Variants in NEDD4L observed in about 807,000 individuals in gnomAD.
NEDD4L encodes NEDD4 like E3 ubiquitin protein ligase, also known as E3 ubiquitin-protein ligase NEDD4-like.
Under a neutral mutation model 148.9 loss-of-function variants are expected in NEDD4L, and 54 were observed. The ratio of observed to expected loss-of-function variants is 0.36; its 90% confidence interval spans 0.29 to 0.45. NEDD4L has a LOEUF of 0.45. Among genes scored for constraint, NEDD4L ranks in the 20% least tolerant of loss-of-function variants. The pLI, the probability that NEDD4L is intolerant of heterozygous loss-of-function variation, is 1.00. For synonymous variants in NEDD4L, 433 were observed against 440.7 expected, an observed-to-expected ratio of 0.98 and a Z score of 0.22; for missense variants, 856 against 1,233.8, an observed-to-expected ratio of 0.69 and a Z score of 4.59.
At chr18:58,079,591 C>T (rs1422167933) in intron 1 of NEDD4L, among the ~76,000 whole-genome samples, 1 of 152,218 alleles carries the variant, frequency 6.6e-6, no homozygotes, top group African/African-American at 2.4e-5. Context: ...GGGATGCAGG[C>T]ACCCTGCCCT....
chr18:58,183,698 C>T lies in NEDD4L; in HGVS notation c.122+17837C>T, dbSNP rs138243551. 4.7e-4 allele frequency among the ~76,000 whole-genome samples: 72 copies of T among 152,286 alleles called. No individual in the cohort carries two copies. In the East Asian group the frequency reaches 0.011, roughly 24 times the overall value. ...TGCACTTGTGGGTGTCATTTCAGAT[C>T]GCTTCATCGGATTTCAGTTACCCAA... On this transcript the variant is annotated intron_variant, in intron 2 of 30. Transcript: ENST00000400345.
At chr18:58,331,822 G>A (rs961106508) in intron 11 of NEDD4L, among the ~76,000 whole-genome samples, 1 of 152,102 alleles carries the variant, frequency 6.6e-6, no homozygotes, top group African/African-American at 2.4e-5. Context: ...AAGCAAGTAA[G>A]TACTCACAAA....
chr18:58,326,738 A>G (rs1294752853), intron 9 of NEDD4L, among the ~76,000 whole-genome samples: 1 of 152,378 alleles, frequency 6.6e-6, no homozygotes, highest in African/African-American at 2.4e-5. Flanking sequence ...TAATATGTAT[A>G]TGGAAAAATA....
chr18:58,366,182 A>G lies in NEDD4L; in HGVS notation c.2017A>G (p.Lys673Glu). The stretch of plus-strand genomic sequence containing the variant: ...CAGAGAATGGTTCTTCTTACTGTCC[A>G]AAGAGATGTTCAACCCCTACTACGG... ...VAREWFFLLS[K>E]EMFNPYYGLF... The change falls in exon 21 of 31, where the codon AAA becomes GAA. Residue 673 changes from lysine (K) to glutamate (E), a missense_variant. Lys to Glu is a moderately conservative substitution (Grantham distance 56, BLOSUM62 1). Coordinates refer to ENST00000400345, the MANE Select transcript of NEDD4L (RefSeq NM_001144967.3). The surrounding 1 kb of genome is among the most constrained non-coding windows in gnomAD (Gnocchi z 4.2). The G allele has an allele frequency of 6.2e-7, 1 of 1,613,294 alleles. No individual in the cohort carries two copies. The highest frequency in any genetic ancestry group is 8.5e-7 in the Non-Finnish European group (1 of 1,179,612).
At chr18:58,248,860 G>T in intron 3 of NEDD4L, 39 bp from the exon 4 acceptor site, 2 of 1,163,180 alleles carry the variant, frequency 1.7e-6, no homozygotes, top group Non-Finnish European at 2.5e-6. Flanking sequence ...GCTAATGTTT[G>T]AAAGACTAAA....
chr18:58,048,547 A>G (rs1231934505), intron 1 of NEDD4L, among the ~76,000 whole-genome samples: 1 of 152,238 alleles, frequency 6.6e-6, no homozygotes, highest in East Asian at 1.9e-4. Context: ...AGAAAGGCCT[A>G]GTTTTTAACA....
At chr18:58,082,232 C>T (rs1247593138) in intron 1 of NEDD4L, among the ~76,000 whole-genome samples, 1 of 148,048 alleles carries the variant, frequency 6.8e-6, no homozygotes, top group Non-Finnish European at 1.5e-5. Flanking sequence ...CTCAGCCTCC[C>T]AAGTAGCTGG....
At chr18:58,316,538 A>G (rs948599406) in intron 6 of NEDD4L, among the ~76,000 whole-genome samples, 2 of 152,204 alleles carry the variant, frequency 1.3e-5, no homozygotes, top group South Asian at 2.1e-4. Context: ...GAGCCTGTTC[A>G]TTCTGAGTGA....
At chr18:58,328,146 G>A (rs1378599885) in intron 9 of NEDD4L, among the ~76,000 whole-genome samples, 2 of 152,054 alleles carry the variant, frequency 1.3e-5, no homozygotes. Context: ...TGTGTTTTTA[G>A]TAGAGGCGGG....
intron 13 of NEDD4L, among the ~76,000 whole-genome samples, chr18:58,336,300 G>A (rs1021416493): frequency 1.3e-5 from 2 of 152,132 alleles, no homozygotes; most frequent in African/African-American, 2.4e-5. Context: ...TTTCCTGGCC[G>A]GGCACGGTGG....
intron 16 of NEDD4L, among the ~76,000 whole-genome samples, chr18:58,348,317 C>CT (rs1203938472): frequency 8.6e-6 from 1 of 115,884 alleles, no homozygotes; most frequent in Non-Finnish European, 1.7e-5. Context: ...ATTTCTTTTT[C>CT]TTTTTTTTCT....
At chr18:58,285,369 C>G (rs1337365395) in intron 5 of NEDD4L, among the ~76,000 whole-genome samples, 1 of 151,992 alleles carries the variant, frequency 6.6e-6, no homozygotes, top group East Asian at 1.9e-4. Flanking sequence ...TGCTCTGTCA[C>G]CCAGGCTGGA....
At chr18:58,106,347 G>A (rs1345665169) in intron 1 of NEDD4L, among the ~76,000 whole-genome samples, 4 of 152,214 alleles carry the variant, frequency 2.6e-5, no homozygotes, top group African/African-American at 7.2e-5. Context: ...TTATCTGTAG[G>A]TATTTAAGAT....
intron 1 of NEDD4L, among the ~76,000 whole-genome samples, chr18:58,130,285 C>T (rs1568259120): frequency 1.5e-5 from 2 of 133,032 alleles, no homozygotes; most frequent in South Asian, 2.5e-4. Flanking sequence ...GGAACTGTGG[C>T]AGTGTTGGGC....
At chr18:58,198,054 A>G (rs554093905) in intron 2 of NEDD4L, among the ~76,000 whole-genome samples, 2 of 152,210 alleles carry the variant, frequency 1.3e-5, no homozygotes, top group African/African-American at 2.4e-5. Context: ...ACCCCTACAT[A>G]AAGGAAAGAG....
At chr18:58,284,125 A>G (rs1487475644) in intron 5 of NEDD4L, among the ~76,000 whole-genome samples, 1 of 152,232 alleles carries the variant, frequency 6.6e-6, no homozygotes, top group East Asian at 1.9e-4. Context: ...CTTTTAAACC[A>G]TCAATTTCCA....
intron 2 of NEDD4L, among the ~76,000 whole-genome samples, chr18:58,186,050 C>T (rs1568349642): frequency 6.6e-6 from 1 of 151,816 alleles, no homozygotes; most frequent in Non-Finnish European, 1.5e-5. Context: ...CGTATGCACA[C>T]GCGCACAGAG....
chr18:58,056,162 C>G (rs1164412837), intron 1 of NEDD4L, among the ~76,000 whole-genome samples: 1 of 152,176 alleles, frequency 6.6e-6, no homozygotes, highest in East Asian at 1.9e-4. Context: ...CCTTGTCCCC[C>G]TTCCCCCAGC....
intron 1 of NEDD4L, among the ~76,000 whole-genome samples, chr18:58,103,268 TTATAATTATATATAATATA>T (rs2084877662): frequency 7.9e-6 from 1 of 127,324 alleles, no homozygotes; most frequent in South Asian, 2.1e-4. Flanking sequence ...ATATTATATA[TTATAATTATATATAATATA>T]TATAATTATA....
Sources: gnomAD v4.1 joint callset for allele counts (sites outside exome capture counted in the v4.1 genomes callset) on GRCh38, gnomAD v4.1.1 for gene constraint, Gnocchi (gnomAD v3.1) non-coding constraint, MANE v1.5 for transcripts, NCBI Gene and HGNC (gene_info 2026-07-23, HGNC 2026-07-21) for gene names.